The following MUC17 variants were observed in gnomAD, a reference collection of about 807,000 sequenced individuals.
MUC17 encodes mucin 17, cell surface associated.
A neutral mutation model predicts 170.3 loss-of-function variants in MUC17; 190 were observed. That is an observed-to-expected ratio of 1.12 (90% CI 0.99 to 1.26). MUC17 has a LOEUF of 1.26. Ranked by LOEUF, MUC17 falls within the 50% of genes most tolerant of loss-of-function variation. The pLI is 0.00. For synonymous variants in MUC17, 2,325 were observed against 2,002.5 expected (o/e 1.16, Z -4.30); for missense variants, 6,415 against 5,530.0 (o/e 1.16, Z -5.08).
At chr7:101,024,155 C>A (rs142194622) in intron 1 of MUC17, among the ~76,000 whole-genome samples, 1 of 152,108 alleles carries the variant, frequency 6.6e-6, no homozygotes, top group African/African-American at 2.4e-5. Context: ...AATCCCAGCC[C>A]TTTGGGAGGC....
rs1204957931 is a variant in MUC17, at chr7:101,035,408, C to T, written c.3992C>T (p.Thr1331Ile). ...PAEGTSMPTSTYSEGRTPLTS... is the reference protein window; with the variant it reads ...PAEGTSMPTSIYSEGRTPLTS... ...GAAGGTACCAGCATGCCAACCTCAA[C>T]TTATAGTGAAGGAAGAACTCCTTTA... is the stretch of plus-strand genomic sequence containing the variant. The change falls in exon 3 of 13, where the codon ACT becomes ATT. Residue 1331 changes from threonine to isoleucine, a missense_variant. Thr to Ile is a moderately conservative substitution (Grantham distance 89). Transcript: ENST00000306151. 6.2e-7 allele frequency: 1 copy of T among 1,606,592 alleles called. No homozygotes were observed. Among genetic ancestry groups the T allele is most frequent in the African/African-American group, 1.3e-5 (1 of 74,304 alleles).
chr7:101,058,722 A>G lies in MUC17; in HGVS notation c.*678A>G, dbSNP rs1795096576. 6.6e-6 allele frequency: 1 copy of G among 152,156 alleles called. No individual in the cohort carries two copies. The highest frequency in any genetic ancestry group is 2.4e-5 in the African/African-American group (1 of 41,432). The allele number at this position is 152,156 out of a possible 1,614,324, so 9.4% of individuals were successfully genotyped here. A position where few individuals can be genotyped will look rare whatever the true frequency, so the allele number is the denominator to read the frequency against. ...GAAAAACACCTGTATTTAAATATAGAGCATTTACCTTTTGGTATATAAGAT... is the reference window on the plus strand; with the variant it reads ...GAAAAACACCTGTATTTAAATATAGGGCATTTACCTTTTGGTATATAAGAT... On this transcript the variant is annotated 3_prime_UTR_variant, in exon 13 of 13. Coordinates refer to ENST00000306151, the MANE Select transcript of MUC17 (RefSeq NM_001040105.2).
chr7:101,042,156 T>C lies in MUC17; in HGVS notation c.10740T>C (p.Thr3580=). The C allele has an allele frequency of 6.2e-7, 1 of 1,614,182 alleles. No individual in the cohort carries two copies. The highest frequency in any genetic ancestry group is 8.5e-7 in the Non-Finnish European group (1 of 1,180,036). ...TPSEGSSSLT[T]MLLSSTYVTS... is the part of the protein sequence containing the mutation. ...GTGAAGGAAGCTCTTCATTAACAAC[T>C]ATGCTCCTCAGCAGCACATATGTGA... Residue 3580 remains threonine, a synonymous_variant, in exon 3 of 13, where the codon ACT becomes ACC. Transcript: ENST00000306151.
intron 1 of MUC17, among the ~76,000 whole-genome samples, chr7:101,028,090 TTC>T (rs1287528208): frequency 4.0e-5 from 6 of 149,938 alleles, no homozygotes; most frequent in Non-Finnish European, 8.9e-5. Context: ...TTTTTTTTAA[TTC>T]TTTTTTTTTT....
At chr7:101,028,063 G>A (rs188444843) in intron 1 of MUC17, among the ~76,000 whole-genome samples, 2 of 150,754 alleles carry the variant, frequency 1.3e-5, no homozygotes, top group African/African-American at 4.9e-5. Flanking sequence ...GTGAGCCACT[G>A]CACCTCACCC....
chr7:101,048,147 A>G (rs2116469775), intron 4 of MUC17, 32 bp downstream of exon 4: 1 of 1,527,626 alleles, frequency 6.5e-7, no homozygotes, highest in South Asian at 1.3e-5. Flanking sequence ...CCCCCACCCC[A>G]TGCCCTGGGA....
chr7:101,044,791 G>T (rs1182173838), intron 3 of MUC17, among the ~76,000 whole-genome samples: 9 of 152,118 alleles, frequency 5.9e-5, no homozygotes, highest in South Asian at 2.1e-4. Flanking sequence ...ACTAAAGTAC[G>T]AACTTTTTTT....
chr7:101,031,337 A>T (rs949864054), intron 2 of MUC17, 116 bp downstream of exon 2: 1 of 1,451,408 alleles, frequency 6.9e-7, no homozygotes, highest in African/African-American at 1.4e-5. Context: ...ACGGCTTGAG[A>T]TCTGGGGCCA....
In MUC17 at chr7:101,032,177, G is replaced by T. The variant is rs1389831155; in HGVS notation, c.761G>T (p.Ser254Ile). 1 of 1,614,122 alleles carries T rather than the reference G, an allele frequency of 6.2e-7. No individual in the cohort carries two copies. The highest frequency in any genetic ancestry group is 2.2e-5 in the East Asian group (1 of 44,874). Residue 254 changes from serine to isoleucine, a missense_variant, in exon 3 of 13, where the codon AGT (serine) becomes ATT (isoleucine). Coordinates refer to ENST00000306151, the MANE Select transcript of MUC17 (RefSeq NM_001040105.2). ...STPVTISAQA[S>I]SSPTTAEGPS... is the part of the protein sequence containing the mutation. ...CCTGTGACCATTTCTGCTCAAGCCA[G>T]TTCATCTCCTACAACTGCTGAAGGT... is the stretch of plus-strand genomic sequence containing the variant.
At chr7:101,048,178 C>A in intron 4 of MUC17, 63 bp downstream of exon 4, 2 of 1,459,234 alleles carry the variant, frequency 1.4e-6, no homozygotes, top group Non-Finnish European at 1.8e-6. Context: ...ATACAAGCAA[C>A]AGTTCCTGCC....
At position 101,040,042 on chromosome 7, in the gene MUC17, G is replaced by T. The variant is rs776915498; in HGVS notation, c.8626G>T (p.Val2876Phe). Residue 2876 changes from valine to phenylalanine, a missense_variant, in exon 3 of 13, where the codon GTC becomes TTC. Val to Phe is a conservative substitution (Grantham distance 50). Coordinates refer to ENST00000306151, the MANE Select transcript of MUC17 (RefSeq NM_001040105.2). ...EGSTLLTSIP[V>F]STTPVASSEA... ...AAGTACTCTATTAACAAGTATACCT[G>T]TCAGCACCACGCCGGTGGCCAGTTC... 2.0e-5 allele frequency: 33 copies of T among 1,612,944 alleles called. No homozygotes were observed. The highest frequency in any genetic ancestry group is 2.3e-5 in the Non-Finnish European group (27 of 1,179,732).
rs549432526 is a variant in MUC17, at chr7:101,032,830, C to A, written c.1414C>A (p.Leu472Ile). 2 of 1,612,684 alleles carry A rather than the reference C, an allele frequency of 1.2e-6. No individual in the cohort carries two copies. Among genetic ancestry groups the A allele is most frequent in the Non-Finnish European group, 1.7e-6 (2 of 1,179,558 alleles). ...TPVASSEASN[L>I]STTPVDSKTQ... The stretch of plus-strand genomic sequence containing the variant: ...AGTGGCCAGTTCTGAGGCTAGCAAC[C>A]TTTCAACAACTCCTGTTGACTCCAA... Residue 472 changes from leucine (L) to isoleucine (I), a missense_variant, in exon 3 of 13, where the codon CTT (leucine) becomes ATT (isoleucine). Leu to Ile is a conservative substitution (Grantham distance 5, BLOSUM62 2). Transcript: ENST00000306151.
Position 101,042,269 on chromosome 7 carries a change from C to A in MUC17, c.10853C>A (p.Thr3618Lys), listed in dbSNP as rs907465886. 1 of 1,613,932 alleles carries A rather than the reference C, an allele frequency of 6.2e-7. No individual in the cohort carries two copies. Among genetic ancestry groups the A allele is most frequent in the African/African-American group, 1.3e-5 (1 of 74,856 alleles). Residue 3618 changes from threonine to lysine, a missense_variant, in exon 3 of 13, where the codon ACA becomes AAA. Coordinates refer to ENST00000306151, the MANE Select transcript of MUC17 (RefSeq NM_001040105.2). ...TTSTQSNSTPTPPEVITLPMS... is the reference protein window; with the variant it reads ...TTSTQSNSTPKPPEVITLPMS... ...TCTACTCAGAGCAATTCTACTCCTA[C>A]ACCTCCTGAAGTTATCACCCTGCCA...
Position 101,036,572 on chromosome 7 carries a change from C to T in MUC17, c.5156C>T (p.Thr1719Ile), listed in dbSNP as rs202185402. The stretch of plus-strand genomic sequence containing the variant: ...TCAACAACTCCCGTTGACAACAGCA[C>T]ACCTGTGACCACTTCTACTGAAGCC... Reference protein sequence around the residue: ...TLSTTPVDNSTPVTTSTEARS... With the variant: ...TLSTTPVDNSIPVTTSTEARS... The change falls in exon 3 of 13, where the codon ACA (threonine) becomes ATA (isoleucine). Residue 1719 changes from threonine (T) to isoleucine (I), a missense_variant. Transcript: ENST00000306151. 3.1e-6 allele frequency: 5 copies of T among 1,613,342 alleles called. No individual in the cohort carries two copies. The highest frequency in any genetic ancestry group is 3.3e-5 in the Admixed American group (2 of 59,964).
In MUC17 at chr7:101,025,578, G is replaced by T. The variant is rs140118968; in HGVS notation, c.82+5361G>T. The stretch of plus-strand genomic sequence containing the variant: ...AGGCCAAGGCGGGCGGATTGCATGA[G>T]GTCAGGAGTTCGAGACCAGCCTGGC... On this transcript the variant is annotated intron_variant, in intron 1 of 12. Transcript: ENST00000306151. 3.5e-4 allele frequency among the ~76,000 whole-genome samples: 53 copies of T among 152,242 alleles called. No homozygotes were observed. In the East Asian group the frequency reaches 9.8e-3, roughly 28 times the overall value.
chr7:101,050,684 G>T (rs1794923827), intron 7 of MUC17, 49 bp downstream of exon 7: 1 of 1,590,976 alleles, frequency 6.3e-7, no homozygotes, highest in Non-Finnish European at 8.5e-7. Flanking sequence ...TCAGAGCTGG[G>T]GCATGACTTT....
At chr7:101,025,821 G>C (rs1201680414) in intron 1 of MUC17, among the ~76,000 whole-genome samples, 3 of 150,742 alleles carry the variant, frequency 2.0e-5, no homozygotes, top group African/African-American at 7.3e-5. Flanking sequence ...AGCTGGGCAT[G>C]GTGATGCATG....
At position 101,041,850 on chromosome 7, in the gene MUC17, T is replaced by G; in HGVS notation, c.10434T>G (p.Leu3478=). 1.9e-6 allele frequency: 3 copies of G among 1,614,022 alleles called. No homozygotes were observed. Among genetic ancestry groups the G allele is most frequent in the Non-Finnish European group, 2.5e-6 (3 of 1,179,974 alleles). Residue 3478 remains leucine, a synonymous_variant, in exon 3 of 13, where the codon CTT becomes CTG. Coordinates refer to ENST00000306151, the MANE Select transcript of MUC17 (RefSeq NM_001040105.2). ...TPVASSEAST[L]STTPVDTSTP... ...TGGCCAGTTCTGAGGCTAGCACCCT[T>G]TCAACAACTCCTGTTGACACCAGCA...
chr7:101,038,640 G>T lies in MUC17; in HGVS notation c.7224G>T (p.Pro2408=). Residue 2408 remains proline (P), a synonymous_variant, in exon 3 of 13, where the codon CCG becomes CCT. Coordinates refer to ENST00000306151, the MANE Select transcript of MUC17 (RefSeq NM_001040105.2). The stretch of plus-strand genomic sequence containing the variant: ...CAAGTGTGCCTGTCAGCACCATGCC[G>T]GTGGTCAGTTCTGAGGCTAGCACCC... The part of the protein sequence containing the change: ...PLTSVPVSTM[P]VVSSEASTHS... 6.2e-7 allele frequency: 1 copy of T among 1,613,866 alleles called. No individual in the cohort carries two copies. Among genetic ancestry groups the T allele is most frequent in the African/African-American group, 1.3e-5 (1 of 74,920 alleles).
Sources: allele counts gnomAD v4.1 joint callset (sites outside exome capture counted in the v4.1 genomes callset), GRCh38; gene constraint gnomAD v4.1.1; transcripts MANE v1.5; gene names NCBI Gene and HGNC (gene_info 2026-07-23, HGNC 2026-07-21).